Variants in PARVA observed in about 807,000 individuals in gnomAD.
PARVA encodes alpha-parvin.
In PARVA, 25 loss-of-function variants were observed where a neutral mutation model predicts 52.6. That is an observed-to-expected ratio of 0.48 (90% CI 0.35 to 0.66). The LOEUF (loss-of-function observed/expected upper bound fraction) is 0.66. Ranked by LOEUF, PARVA falls within the 30% of genes least tolerant of loss-of-function variation. PARVA has a pLI of 0.01. For missense variants in PARVA, 373 were observed against 450.9 expected (o/e 0.83, Z 1.56); for synonymous variants, 185 against 179.1 (o/e 1.03, Z -0.26).
At chr11:12,419,257 A>G (rs900838969) in intron 1 of PARVA, among the ~76,000 whole-genome samples, 1 of 152,124 alleles carries the variant, frequency 6.6e-6, no homozygotes, top group East Asian at 1.9e-4. Context: ...CCCTATACCC[A>G]TTAAACAACT....
chr11:12,517,306 A>ACCCCCCACCCCCC (rs1941580785), intron 10 of PARVA, among the ~76,000 whole-genome samples: 59 of 76,224 alleles, frequency 7.7e-4, no homozygotes, highest in South Asian at 1.9e-3. Context: ...CACACTGACC[A>ACCCCCCACCCCCC]CCCCCCACCC....
At chr11:12,510,126 T>C (rs1941487208) in intron 7 of PARVA, among the ~76,000 whole-genome samples, 1 of 152,166 alleles carries the variant, frequency 6.6e-6, no homozygotes, top group Non-Finnish European at 1.5e-5. Flanking sequence ...TCCTATCTAT[T>C]GATATTGATA....
chr11:12,395,406 A>G (rs940069084), intron 1 of PARVA, among the ~76,000 whole-genome samples: 3 of 152,194 alleles, frequency 2.0e-5, no homozygotes, highest in Non-Finnish European at 2.9e-5. Context: ...TTGAACTCTG[A>G]TTCTGAGATA....
chr11:12,432,859 A>G (rs926234206), intron 1 of PARVA, among the ~76,000 whole-genome samples: 14 of 152,188 alleles, frequency 9.2e-5, no homozygotes, highest in African/African-American at 3.1e-4. Context: ...ATCCATTCCC[A>G]GAAAACTGAT....
At chr11:12,494,838 C>A (rs1941278115) in intron 4 of PARVA, among the ~76,000 whole-genome samples, 1 of 152,160 alleles carries the variant, frequency 6.6e-6, no homozygotes, top group South Asian at 2.1e-4. Context: ...CTCCTCCCCA[C>A]CCAACCCTCT....
At chr11:12,460,105 G>T (rs1441178083) in intron 1 of PARVA, among the ~76,000 whole-genome samples, 1 of 152,200 alleles carries the variant, frequency 6.6e-6, no homozygotes, top group Non-Finnish European at 1.5e-5. Flanking sequence ...TGCAAAAATG[G>T]TGTGATATGT....
intron 12 of PARVA, among the ~76,000 whole-genome samples, chr11:12,520,056 T>C (rs545957373): frequency 1.3e-5 from 2 of 152,376 alleles, no homozygotes; most frequent in African/African-American, 4.8e-5. Context: ...GTACTTCTGC[T>C]ATTTTAGAAT....
chr11:12,513,053 C>A (rs1941521935), intron 8 of PARVA: 2 of 665,302 alleles, frequency 3.0e-6, no homozygotes, highest in East Asian at 2.9e-5. Flanking sequence ...TAAAAGAGCC[C>A]TGAGCCTGCC....
At chr11:12,393,969 AT>A (rs1224677951) in intron 1 of PARVA, among the ~76,000 whole-genome samples, 1 of 152,188 alleles carries the variant, frequency 6.6e-6, no homozygotes, top group Non-Finnish European at 1.5e-5. Flanking sequence ...GGTTGCCTGG[AT>A]GCTGTTGAAG....
intron 7 of PARVA, among the ~76,000 whole-genome samples, chr11:12,510,059 A>G (rs770655007): frequency 6.6e-6 from 1 of 152,232 alleles, no homozygotes; most frequent in African/African-American, 2.4e-5. Context: ...CCACAAAGAC[A>G]TAAACATGGA....
Position 12,513,338 on chromosome 11 carries a change from A to G in PARVA, c.776A>G (p.Asp259Gly), listed in dbSNP as rs776996628. ...GACACCTTGTTCGACCATGCCCCAGACAAGCTGAATGTGGTGAAAAAGGTG... is the reference window on the plus strand; with the variant it reads ...GACACCTTGTTCGACCATGCCCCAGGCAAGCTGAATGTGGTGAAAAAGGTG... ...AFDTLFDHAP[D>G]KLNVVKKTLI... Residue 259 changes from aspartate (D) to glycine (G), a missense_variant, in exon 9 of 13, where the codon GAC becomes GGC. Physicochemically the swap from Asp to Gly is moderately conservative, Grantham distance 94 (BLOSUM62 -1). Transcript: ENST00000334956. 6.2e-7 allele frequency: 1 copy of G among 1,613,918 alleles called. No homozygotes were observed. Among genetic ancestry groups the G allele is most frequent in the East Asian group, 2.2e-5 (1 of 44,886 alleles).
intron 1 of PARVA, among the ~76,000 whole-genome samples, chr11:12,397,215 T>C (rs1939761021): frequency 6.6e-6 from 1 of 152,166 alleles, no homozygotes; most frequent in South Asian, 2.1e-4. Flanking sequence ...ATTTATTTAA[T>C]CATATCTTTC....
rs778927256 is a variant in PARVA, at chr11:12,511,572, C to A, written c.736+39C>A. The A allele has an allele frequency of 6.8e-6, 11 of 1,607,974 alleles. No homozygotes were observed. The Admixed American group carries it at 1.8e-4, about 27-fold the overall frequency. Reference sequence around the variant, plus strand: ...GATTGTCCTCTGGCACTGGTGGCTGCACTGGGGCTTTAGTTAATTCCGCAG... The same window carrying A: ...GATTGTCCTCTGGCACTGGTGGCTGAACTGGGGCTTTAGTTAATTCCGCAG... On this transcript the variant is annotated intron_variant, in intron 8 of 12. Transcript: ENST00000334956.
intron 1 of PARVA, among the ~76,000 whole-genome samples, chr11:12,399,071 G>A (rs1390047077): frequency 6.6e-6 from 1 of 152,194 alleles, no homozygotes; most frequent in Non-Finnish European, 1.5e-5. Flanking sequence ...TTAGTAAATG[G>A]TGGAGCCAGG....
At chr11:12,421,636 A>G (rs560489327) in intron 1 of PARVA, among the ~76,000 whole-genome samples, 1 of 152,300 alleles carries the variant, frequency 6.6e-6, no homozygotes, top group Non-Finnish European at 1.5e-5. Context: ...TGATGATACC[A>G]TGGGCTGTCA....
intron 1 of PARVA, among the ~76,000 whole-genome samples, chr11:12,420,827 T>C (rs987126934): frequency 2.0e-5 from 3 of 152,162 alleles, no homozygotes; most frequent in Non-Finnish European, 4.4e-5. Context: ...TGTTTGCCCA[T>C]GTTCACACAG....
At chr11:12,470,911 G>A (rs921631335) in intron 1 of PARVA, among the ~76,000 whole-genome samples, 2 of 152,152 alleles carry the variant, frequency 1.3e-5, no homozygotes. Context: ...CAGTTAGAAG[G>A]TGGTTCTGAT....
At chr11:12,458,008 G>A (rs1460122611) in intron 1 of PARVA, among the ~76,000 whole-genome samples, 1 of 152,218 alleles carries the variant, frequency 6.6e-6, no homozygotes, top group African/African-American at 2.4e-5. Flanking sequence ...AGCTCCTGGG[G>A]CCAGGGTTCA....
rs554888993 is a variant in PARVA, at chr11:12,448,840, T to TATC, written c.137-24903_137-24901dup. Among the ~76,000 whole-genome samples, 44 of 152,324 alleles carry TATC rather than the reference T, an allele frequency of 2.9e-4. 1 individual carries two copies. The East Asian group carries it at 8.5e-3, about 29-fold the overall frequency. On this transcript the variant is annotated intron_variant, in intron 1 of 12. Transcript: ENST00000334956. ...TAACATTTAGACTCATTTCCAGAGA[T>TATC]ATCAGCAGACGTTGCTCCAATGTTC...
Sources: gnomAD v4.1 joint callset for allele counts (sites outside exome capture counted in the v4.1 genomes callset) on GRCh38, gnomAD v4.1.1 for gene constraint, MANE v1.5 for transcripts, NCBI Gene and HGNC (gene_info 2026-07-23, HGNC 2026-07-21) for gene names.